The following BDH1 variants were observed in gnomAD, a reference collection of about 807,000 sequenced individuals.
BDH1 encodes the protein D-beta-hydroxybutyrate dehydrogenase, mitochondrial.
In BDH1, 30 loss-of-function variants were observed where a neutral mutation model predicts 33.1. The observed-to-expected ratio is 0.91, with a 90% CI of 0.68 to 1.23. BDH1 has a LOEUF of 1.23. Among genes scored for constraint, BDH1 ranks in the 50% most tolerant of loss-of-function variants. BDH1 has a pLI of 0.00. For missense variants in BDH1, 443 were observed against 464.4 expected, an observed-to-expected ratio of 0.95 and a Z score of 0.42; for synonymous variants, 190 against 183.6, an observed-to-expected ratio of 1.03 and a Z score of -0.28.
chr3:197,532,169 A>G (rs1379569468), intron 5 of BDH1, among the ~76,000 whole-genome samples: 3 of 152,182 alleles, frequency 2.0e-5, no homozygotes, highest in Non-Finnish European at 4.4e-5. Context: ...TGCACCTAGC[A>G]AAGTGTCAGG....
At chr3:197,546,523 C>T (rs546500749) in intron 2 of BDH1, 37 bp from the exon 3 acceptor site, 30 of 1,419,036 alleles carry the variant, frequency 2.1e-5, no homozygotes, top group African/African-American at 2.0e-4. Context: ...TACTTTGTTG[C>T]CTTCCGGGCT....
intron 2 of BDH1, among the ~76,000 whole-genome samples, chr3:197,549,116 C>T (rs997650812): frequency 1.3e-5 from 2 of 152,088 alleles, no homozygotes; most frequent in Non-Finnish European, 2.9e-5. Flanking sequence ...CTGTGGGAGG[C>T]GGGTGCTCAG....
At chr3:197,569,197 G>C (rs1717526994) in intron 1 of BDH1, among the ~76,000 whole-genome samples, 1 of 152,028 alleles carries the variant, frequency 6.6e-6, no homozygotes. Context: ...TTCTTTCTTT[G>C]AAGAAAGGGA....
chr3:197,551,692 A>G (rs1560339213), intron 2 of BDH1, among the ~76,000 whole-genome samples: 2 of 152,220 alleles, frequency 1.3e-5, no homozygotes, highest in Non-Finnish European at 2.9e-5. Flanking sequence ...TCCCACCAAC[A>G]GCATATGAGG....
chr3:197,512,525 T>A (rs759043111), intron 7 of BDH1, among the ~76,000 whole-genome samples, 161 bp from the exon 8 acceptor site: 1 of 152,176 alleles, frequency 6.6e-6, no homozygotes, highest in Non-Finnish European at 1.5e-5. Flanking sequence ...CGCATCAGCA[T>A]CGGCACCCCT....
intron 3 of BDH1, among the ~76,000 whole-genome samples, chr3:197,536,278 T>C (rs950894237): frequency 2.0e-5 from 3 of 152,232 alleles, no homozygotes; most frequent in African/African-American, 7.2e-5. Flanking sequence ...CATTGATATA[T>C]GTGCTGCTAC....
chr3:197,538,507 ACAC>A (rs1250553298), intron 3 of BDH1: 3 of 380,292 alleles, frequency 7.9e-6, no homozygotes, highest in Non-Finnish European at 1.6e-5. Context: ...TTGCATCACC[ACAC>A]CTGGCCAATT....
At position 197,539,878 on chromosome 3, in the gene BDH1, A is replaced by G. The variant is rs1715453601; in HGVS notation, c.84-6317T>C. ...TTTGGAGAGACTGATTTGAGTAATAATAAAACTCTGGTCTCTTGCACAGCC... is the reference window on the plus strand; with the variant it reads ...TTTGGAGAGACTGATTTGAGTAATAGTAAAACTCTGGTCTCTTGCACAGCC... On this transcript the variant is annotated intron_variant, in intron 3 of 7. Transcript: ENST00000392379. Among the ~76,000 whole-genome samples the G allele has an allele frequency of 2.6e-5, 4 of 152,294 alleles. No homozygotes were observed. The South Asian group carries it at 8.3e-4, about 32-fold the overall frequency.
chr3:197,541,796 T>A (rs958324522), intron 3 of BDH1, among the ~76,000 whole-genome samples: 1 of 152,240 alleles, frequency 6.6e-6, no homozygotes, highest in Non-Finnish European at 1.5e-5. Flanking sequence ...ACCACTGCCC[T>A]ACAGGAAAAG....
Position 197,523,832 on chromosome 3 carries a change from G to A in BDH1, c.268-1051C>T, listed in dbSNP as rs1713816648. On this transcript the variant is annotated intron_variant, in intron 5 of 7. Transcript: ENST00000392379. The surrounding 1 kb of genome is among the most constrained non-coding windows in gnomAD (Gnocchi z 4.5). ...ACAAGAGGGGGCCGATGGGGACGGG[G>A]CACTGTGGGAAGAGATAAGAGGACG... is the stretch of plus-strand genomic sequence containing the variant. Among the ~76,000 whole-genome samples, 1 of 152,202 alleles carries A rather than the reference G, an allele frequency of 6.6e-6. No individual in the cohort carries two copies. Among genetic ancestry groups the A allele is most frequent in the Non-Finnish European group, 1.5e-5 (1 of 68,034 alleles).
chr3:197,532,462 T>G lies in BDH1; in HGVS notation c.217A>C (p.Lys73Gln), dbSNP rs1187820423. Reference sequence around the variant, plus strand: ...AGGAAGCCTTTTGAATGCAGATGCTTGGCCAATGAGAACCCAAATCCAGAG... The same window carrying G: ...AGGAAGCCTTTTGAATGCAGATGCTGGGCCAATGAGAACCCAAATCCAGAG... ...CDSGFGFSLA[K>Q]HLHSKGFLVF... Residue 73 changes from lysine (K) to glutamine (Q), a missense_variant, in exon 5 of 8, where the codon AAG (lysine) becomes CAG (glutamine). Lys to Gln is a moderately conservative substitution (Grantham distance 53, BLOSUM62 1). Coordinates refer to ENST00000392379, the MANE Select transcript of BDH1 (RefSeq NM_203314.3). 1 of 1,614,104 alleles carries G rather than the reference T, an allele frequency of 6.2e-7. No individual in the cohort carries two copies. The highest frequency in any genetic ancestry group is 1.3e-5 in the African/African-American group (1 of 74,946).
chr3:197,569,273 C>T (rs1213004362), intron 1 of BDH1, among the ~76,000 whole-genome samples: 2 of 151,906 alleles, frequency 1.3e-5, no homozygotes, highest in Non-Finnish European at 2.9e-5. Context: ...TCTAGAGTTA[C>T]AGGAACTCAG....
intron 3 of BDH1, among the ~76,000 whole-genome samples, chr3:197,545,060 T>C (rs1715960736): frequency 1.3e-5 from 2 of 152,184 alleles, no homozygotes; most frequent in African/African-American, 2.4e-5. Flanking sequence ...ATTAAACATA[T>C]TATTGGCATA....
At chr3:197,537,919 T>A (rs1454159551) in intron 3 of BDH1, among the ~76,000 whole-genome samples, 1 of 152,230 alleles carries the variant, frequency 6.6e-6, no homozygotes, top group Admixed American at 6.5e-5. Context: ...TTGGGGCTTT[T>A]TGCGTCTGAG....
chr3:197,532,183 A>AT (rs2108741592), intron 5 of BDH1, among the ~76,000 whole-genome samples: 1 of 152,310 alleles, frequency 6.6e-6, no homozygotes, highest in South Asian at 2.1e-4. Flanking sequence ...TGTCAGGTAC[A>AT]TCATAGCATT....
intron 5 of BDH1, among the ~76,000 whole-genome samples, chr3:197,532,025 G>C (rs1449408054): frequency 6.6e-6 from 1 of 152,118 alleles, no homozygotes; most frequent in African/African-American, 2.4e-5. Context: ...CTCCTACACA[G>C]TCTCGCCGAA....
At position 197,533,354 on chromosome 3, in the gene BDH1, G is replaced by A. The variant is rs543395183; in HGVS notation, c.156+135C>T. 58 of 859,382 alleles carry A rather than the reference G, an allele frequency of 6.7e-5. No homozygotes were observed. The East Asian group carries it at 1.4e-3, about 21-fold the overall frequency. 53.2% of individuals were successfully genotyped at this position (859,382 alleles called of 1,614,324 possible). Reference sequence around the variant, plus strand: ...TTACTGATGAGGGGCTTTGGGGGAGGGTTAAGTGAGAAAGTGGCTCCCAGT... The same window carrying A: ...TTACTGATGAGGGGCTTTGGGGGAGAGTTAAGTGAGAAAGTGGCTCCCAGT... On this transcript the variant is annotated intron_variant, in intron 4 of 7. Coordinates refer to ENST00000392379, the MANE Select transcript of BDH1 (RefSeq NM_203314.3).
intron 1 of BDH1, among the ~76,000 whole-genome samples, chr3:197,567,283 G>T (rs927265996): frequency 6.6e-6 from 1 of 152,116 alleles, no homozygotes; most frequent in Non-Finnish European, 1.5e-5. Flanking sequence ...TAAATCTTGG[G>T]GTCCCAAAAT....
At position 197,516,708 on chromosome 3, in the gene BDH1, C is replaced by T. The variant is rs1223986165; in HGVS notation, c.410-2292G>A. ...CAAGTTTCCAAGCTGCCCAAGCCTG[C>T]TCCTCCTCTTTGTTAATGATTTTAC... On this transcript the variant is annotated intron_variant, in intron 6 of 7. Transcript: ENST00000392379. The surrounding 1 kb of genome is among the most constrained non-coding windows in gnomAD (Gnocchi z 4.2). Among the ~76,000 whole-genome samples, 3 of 152,056 alleles carry T rather than the reference C, an allele frequency of 2.0e-5. No homozygotes were observed. Among genetic ancestry groups the T allele is most frequent in the Non-Finnish European group, 2.9e-5 (2 of 67,996 alleles).
Sources: allele counts gnomAD v4.1 joint callset (sites outside exome capture counted in the v4.1 genomes callset), GRCh38; gene constraint gnomAD v4.1.1; non-coding constraint Gnocchi (gnomAD v3.1); transcripts MANE v1.5; gene names NCBI Gene and HGNC (gene_info 2026-07-23, HGNC 2026-07-21).